Variants in C11orf65 observed in about 807,000 individuals in gnomAD.
C11orf65 encodes the protein protein MFI.
In C11orf65, 38 loss-of-function variants were observed where a neutral mutation model predicts 35.3. The observed-to-expected ratio is 1.08, with a 90% CI of 0.83 to 1.41. The LOEUF (loss-of-function observed/expected upper bound fraction) is 1.41. Among genes scored for constraint, C11orf65 ranks in the 40% most tolerant of loss-of-function variants. The pLI is 0.00. For synonymous variants in C11orf65, 105 were observed against 114.4 expected (o/e 0.92, Z 0.53); for missense variants, 370 against 367.1 (o/e 1.01, Z -0.06).
intron 6 of C11orf65, among the ~76,000 whole-genome samples, chr11:108,400,250 C>T (rs1252754381): frequency 1.3e-5 from 2 of 152,136 alleles, no homozygotes; most frequent in African/African-American, 4.8e-5. Flanking sequence ...AGTAACTTGT[C>T]TCTCATTTTT....
intron 2 of C11orf65, among the ~76,000 whole-genome samples, chr11:108,369,741 GTTCTTAAC>G (rs1046174398): frequency 2.6e-4 from 40 of 152,264 alleles, no homozygotes; most frequent in Non-Finnish European, 2.8e-4. Context: ...AAAAGCAGTG[GTTCTTAAC>G]CAGGGGTGAT....
rs11212642 is a variant in C11orf65, at chr11:108,446,436, A to C, written c.82-14598T>G. On this transcript the variant is annotated intron_variant, in intron 2 of 8. Coordinates refer to ENST00000393084, the MANE Select transcript of C11orf65 (RefSeq NM_152587.5). ...CCATCAGACTAACAGCGGATCTCTC[A>C]GCAGAAACTCTACAAGCCAGAAGAC... Among the ~76,000 whole-genome samples, 538 of 149,772 alleles carry C rather than the reference A, an allele frequency of 3.6e-3. 3 individuals carry two copies. Among genetic ancestry groups the C allele is most frequent in the Non-Finnish European group, 5.8e-3 (390 of 67,430 alleles).
intron 1 of C11orf65, among the ~76,000 whole-genome samples, chr11:108,463,154 T>C (rs1309260621): frequency 2.6e-5 from 4 of 152,150 alleles, no homozygotes; most frequent in Non-Finnish European, 5.9e-5. Flanking sequence ...AAACTCTGAA[T>C]TGGTGCATGT....
intron 2 of C11orf65, among the ~76,000 whole-genome samples, chr11:108,358,129 C>G (rs954117393): frequency 2.0e-5 from 3 of 151,130 alleles, no homozygotes; most frequent in Non-Finnish European, 2.9e-5. Flanking sequence ...AATCAAGGCT[C>G]GAGAACTATG....
At chr11:108,457,482 A>T (rs1331946087) in intron 2 of C11orf65, among the ~76,000 whole-genome samples, 6 of 152,060 alleles carry the variant, frequency 3.9e-5, no homozygotes, top group Non-Finnish European at 8.8e-5. Flanking sequence ...TCTCTACTAA[A>T]AATACAAAAA....
intron 2 of C11orf65, among the ~76,000 whole-genome samples, chr11:108,432,153 T>C (rs1022802488): frequency 3.3e-5 from 5 of 152,188 alleles, no homozygotes; most frequent in African/African-American, 9.7e-5. Context: ...AAATACAGAC[T>C]ACTGATTAAG....
downstream of C11orf65, chr11:108,328,911 CT>C: frequency 3.4e-6 from 4 of 1,177,806 alleles, no homozygotes; most frequent in East Asian, 1.0e-4. Flanking sequence ...ATTTAGCTAG[CT>C]TTTATATGTA....
chr11:108,448,307 G>A (rs557654870), intron 2 of C11orf65, among the ~76,000 whole-genome samples: 2 of 152,046 alleles, frequency 1.3e-5, no homozygotes, highest in Admixed American at 6.6e-5. Context: ...ATCCTGATAC[G>A]AAAGCCAGGC....
chr11:108,386,356 C>G (rs1420019204), intron 7 of C11orf65, among the ~76,000 whole-genome samples: 1 of 152,218 alleles, frequency 6.6e-6, no homozygotes, highest in Non-Finnish European at 1.5e-5. Context: ...GAGACAACAA[C>G]AAAAACTTTC....
chr11:108,405,354 A>G, intron 6 of C11orf65, 75 bp downstream of exon 6: 1 of 1,483,994 alleles, frequency 6.7e-7, no homozygotes, highest in Non-Finnish European at 9.2e-7. Context: ...TCTTGTGAGG[A>G]GCAATACCTC....
chr11:108,370,488 T>TA (rs2091532708), intron 2 of C11orf65, among the ~76,000 whole-genome samples: 1 of 151,256 alleles, frequency 6.6e-6, no homozygotes, highest in African/African-American at 2.5e-5. Flanking sequence ...CCTTGCCTCA[T>TA]TTTACTGGCT....
intron 1 of C11orf65, 138 bp from the exon 2 acceptor site, chr11:108,461,706 T>C (rs546011714): frequency 1.0e-4 from 59 of 563,492 alleles, no homozygotes; most frequent in African/African-American, 8.5e-4. Flanking sequence ...TAGCTCACTG[T>C]AGCCTCAAAC....
intron 2 of C11orf65, among the ~76,000 whole-genome samples, chr11:108,440,542 G>T (rs1326635981): frequency 6.6e-6 from 1 of 152,090 alleles, no homozygotes; most frequent in African/African-American, 2.4e-5. Context: ...TTTCACTTAC[G>T]TATCTGCTTA....
At chr11:108,444,093 A>T (rs1175219603) in intron 2 of C11orf65, among the ~76,000 whole-genome samples, 1 of 152,190 alleles carries the variant, frequency 6.6e-6, no homozygotes, top group Admixed American at 6.5e-5. Context: ...AAAGAAGAAA[A>T]GAGAGAAGAA....
At position 108,335,315 on chromosome 11, in the gene C11orf65, T is replaced by C. The variant is rs1232328021; in HGVS notation, c.227-23A>G. 2.0e-6 allele frequency: 3 copies of C among 1,466,242 alleles called. No individual in the cohort carries two copies. The Admixed American group carries it at 6.5e-5, about 32-fold the overall frequency. The allele number at this position is 1,466,242 out of a possible 1,614,324, so 90.8% of individuals were successfully genotyped here. The stretch of plus-strand genomic sequence containing the variant: ...TCTCTGAAAGACAATCATTATTATA[T>C]GGTTGATTCAAGTAAAAGAATACCA... On this transcript the variant is annotated intron_variant, in intron 2 of 3. Transcript: ENST00000524755.
chr11:108,428,922 G>C (rs1005591716), intron 3 of C11orf65, among the ~76,000 whole-genome samples: 1 of 152,202 alleles, frequency 6.6e-6, no homozygotes, highest in African/African-American at 2.4e-5. Context: ...CAAGGCATAA[G>C]GATTGCTTGA....
At chr11:108,333,238 T>C (rs2086474608) in intron 3 of C11orf65, among the ~76,000 whole-genome samples, 1 of 152,158 alleles carries the variant, frequency 6.6e-6, no homozygotes, top group South Asian at 2.1e-4. Flanking sequence ...TTTTAAACGA[T>C]GTGGTTACTA....
intron 6 of C11orf65, among the ~76,000 whole-genome samples, chr11:108,403,416 T>G (rs1257644519): frequency 6.9e-6 from 1 of 145,498 alleles, no homozygotes; most frequent in African/African-American, 2.6e-5. Flanking sequence ...GAGGTTTTTT[T>G]TTTGTTTTTT....
chr11:108,378,934 C>G (rs2091799066), downstream of C11orf65, among the ~76,000 whole-genome samples: 1 of 151,840 alleles, frequency 6.6e-6, no homozygotes, highest in African/African-American at 2.4e-5. Context: ...TGAGATACAT[C>G]TCACACCAGT....
Sources: allele counts gnomAD v4.1 joint callset (sites outside exome capture counted in the v4.1 genomes callset), GRCh38; gene constraint gnomAD v4.1.1; transcripts MANE v1.5; gene names NCBI Gene and HGNC (gene_info 2026-07-23, HGNC 2026-07-21).